Variants in RHOT1 observed in about 807,000 individuals in gnomAD.
The protein encoded by RHOT1 is mitochondrial Rho GTPase 1.
RHOT1 carries 27 observed loss-of-function variants against 95.3 expected under a neutral mutation model. The observed-to-expected ratio is 0.28, with a 90% confidence interval of 0.21 to 0.39. RHOT1 has a LOEUF of 0.39. RHOT1 is among the 10% of genes least tolerant of loss of function. RHOT1 has a pLI of 1.00. For missense variants in RHOT1, 578 were observed against 786.7 expected (o/e 0.73, Z 3.17); for synonymous variants, 227 against 263.5 (o/e 0.86, Z 1.34).
intron 19 of RHOT1, among the ~76,000 whole-genome samples, chr17:32,214,101 A>C (rs2038298390): frequency 6.6e-6 from 1 of 152,206 alleles, no homozygotes. Flanking sequence ...TAAGAGAAGT[A>C]CAGTGGAATT....
intron 1 of RHOT1, among the ~76,000 whole-genome samples, chr17:32,149,633 A>ATGTGTGTGTGTG (rs1233010217): frequency 9.7e-4 from 79 of 81,262 alleles, no homozygotes; most frequent in Non-Finnish European, 1.7e-3. Flanking sequence ...ATATATATAT[A>ATGTGTGTGTGTG]TATGTGTGTG....
chr17:32,199,664 T>C, intron 13 of RHOT1, 114 bp downstream of exon 13: 1 of 842,334 alleles, frequency 1.2e-6, no homozygotes, highest in Non-Finnish European at 1.8e-6. Context: ...TCAATCATAA[T>C]TGCCTCTAAG....
Position 32,202,866 on chromosome 17 carries a change from G to A in RHOT1, c.1298G>A (p.Gly433Glu). Reference protein sequence around the residue: ...VIGVKNCGKSGVLQALLGRNL... With the variant: ...VIGVKNCGKSEVLQALLGRNL... ...GGAGTGAAAAACTGTGGGAAAAGTG[G>A]AGTTCTTCAGGCTCTTCTTGGAAGA... Residue 433 changes from glycine to glutamate, a missense_variant, in exon 15 of 20, where the codon GGA (glycine) becomes GAA (glutamate). Transcript: ENST00000545287. 6.2e-7 allele frequency: 1 copy of A among 1,613,406 alleles called. No individual in the cohort carries two copies. Among genetic ancestry groups the A allele is most frequent in the Non-Finnish European group, 8.5e-7 (1 of 1,179,764 alleles).
chr17:32,183,507 A>G (rs2035798255), intron 8 of RHOT1, among the ~76,000 whole-genome samples: 1 of 152,224 alleles, frequency 6.6e-6, no homozygotes, highest in Non-Finnish European at 1.5e-5. Context: ...GTGCCATTAA[A>G]ACAAACAAGA....
chr17:32,173,029 C>T lies in RHOT1; in HGVS notation c.97-802C>T, dbSNP rs1287259990. The T allele has an allele frequency of 2.6e-5, 4 of 152,216 alleles. No individual in the cohort carries two copies. The South Asian group carries it at 8.3e-4, about 32-fold the overall frequency. 9.4% of individuals were successfully genotyped at this position (152,216 alleles called of 1,614,324 possible). ...ACAACATATTTAAAAAATCTAACAC[C>T]GAAACACCAAATTAATCCAAGAATC... On this transcript the variant is annotated intron_variant, in intron 2 of 19. Transcript: ENST00000545287.
chr17:32,158,195 T>TAGTATGTA (rs2033159984), intron 1 of RHOT1, among the ~76,000 whole-genome samples: 1 of 152,116 alleles, frequency 6.6e-6, no homozygotes, highest in South Asian at 2.1e-4. Context: ...TATCCCCACA[T>TAGTATGTA]AGTATGTAAG....
rs1191157449 is a variant in RHOT1, at chr17:32,207,321, C to T, written c.1536+292C>T. ...GTTAAAAGTTACATATGTCTGCCTT[C>T]TCTCTGATGAAAAAAAAGAGTAGTA... On this transcript the variant is annotated intron_variant, in intron 17 of 19. Transcript: ENST00000545287. 5 of 262,716 alleles carry T rather than the reference C, an allele frequency of 1.9e-5. No individual in the cohort carries two copies. The East Asian group carries it at 3.7e-4, about 20-fold the overall frequency. 16.3% of individuals were successfully genotyped at this position (262,716 alleles called of 1,614,324 possible). A position where few individuals can be genotyped will look rare whatever the true frequency, so the allele number is the denominator to read the frequency against.
At chr17:32,201,110 A>T in intron 14 of RHOT1, 54 bp downstream of exon 14, 1 of 1,055,570 alleles carries the variant, frequency 9.5e-7, no homozygotes. Context: ...TTAAGACTCC[A>T]TTTTCAAATG....
intron 13 of RHOT1, among the ~76,000 whole-genome samples, chr17:32,200,162 C>T (rs527594288): frequency 5.9e-5 from 9 of 151,954 alleles, no homozygotes; most frequent in Admixed American, 4.6e-4. Flanking sequence ...ATATGGATGT[C>T]CTATAACTTA....
chr17:32,142,636 G>C lies in RHOT1; in HGVS notation c.-57G>C. ...TGGCGCCGTGGGGTGGGTGCTCCTG[G>C]TGAGAGGAGTCCACTCCGTGCGTGC... On this transcript the variant is annotated 5_prime_UTR_variant, in exon 1 of 20. Transcript: ENST00000545287. 6.8e-7 allele frequency: 1 copy of C among 1,464,124 alleles called. No individual in the cohort carries two copies. Among genetic ancestry groups the C allele is most frequent in the South Asian group, 1.4e-5 (1 of 73,412 alleles). 90.7% of individuals were successfully genotyped at this position (1,464,124 alleles called of 1,614,324 possible).
chr17:32,199,056 A>G, intron 12 of RHOT1, 25 bp downstream of exon 12: 1 of 1,495,142 alleles, frequency 6.7e-7, no homozygotes, highest in Admixed American at 1.7e-5. Flanking sequence ...GTAATTTTCC[A>G]TTATATATAG....
intron 1 of RHOT1, among the ~76,000 whole-genome samples, chr17:32,170,439 A>G (rs563949536): frequency 1.7e-4 from 26 of 152,244 alleles, no homozygotes; most frequent in Non-Finnish European, 3.5e-4. Context: ...ATTTAAAAAA[A>G]TATTAATATA....
At chr17:32,190,348 G>A (rs968272496) in intron 8 of RHOT1, among the ~76,000 whole-genome samples, 14 of 151,920 alleles carry the variant, frequency 9.2e-5, no homozygotes, top group African/African-American at 3.4e-4. Flanking sequence ...CCAGCTACTC[G>A]GGAGACTGAG....
chr17:32,166,181 C>CT (rs1186381014), intron 1 of RHOT1, among the ~76,000 whole-genome samples: 1 of 142,724 alleles, frequency 7.0e-6, no homozygotes, highest in Admixed American at 7.0e-5. Flanking sequence ...CAGCGAGACT[C>CT]TATCTCAAAA....
intron 11 of RHOT1, among the ~76,000 whole-genome samples, chr17:32,194,775 G>C (rs907346780): frequency 6.8e-6 from 1 of 147,050 alleles, no homozygotes; most frequent in Non-Finnish European, 1.5e-5. Flanking sequence ...CTTAGCTTAA[G>C]TTGAAGTAGG....
intron 1 of RHOT1, among the ~76,000 whole-genome samples, chr17:32,145,019 G>A (rs2031086705): frequency 6.6e-6 from 1 of 151,828 alleles, no homozygotes; most frequent in African/African-American, 2.4e-5. Context: ...TTTAATGGCT[G>A]GGCACAGTAG....
intron 1 of RHOT1, chr17:32,151,278 T>C: frequency 1.0e-5 from 7 of 676,106 alleles, no homozygotes; most frequent in Non-Finnish European, 2.0e-5. Context: ...TGATGCCTTC[T>C]CCATATTGCT....
At chr17:32,186,943 T>C (rs998114643) in intron 8 of RHOT1, among the ~76,000 whole-genome samples, 2 of 152,030 alleles carry the variant, frequency 1.3e-5, no homozygotes, top group African/African-American at 4.8e-5. Flanking sequence ...TTTGCCCGCT[T>C]TTTAGTTGGG....
Position 32,193,238 on chromosome 17 carries a change from C to G in RHOT1, c.742C>G (p.Leu248Val). The G allele has an allele frequency of 6.2e-7, 1 of 1,602,410 alleles. No individual in the cohort carries two copies. Among genetic ancestry groups the G allele is most frequent in the Non-Finnish European group, 8.5e-7 (1 of 1,170,532 alleles). ...SDGVADSGLT[L>V]KGFLFLHTLF... Reference sequence around the variant, plus strand: ...TGGTGTGGCTGACAGTGGGTTGACCCTGAAAGGTGGGTAAATGGTATTTTT... The same window carrying G: ...TGGTGTGGCTGACAGTGGGTTGACCGTGAAAGGTGGGTAAATGGTATTTTT... Residue 248 changes from leucine (L) to valine (V), a missense_variant, in exon 10 of 20, where the codon CTG becomes GTG. Leu to Val is a conservative substitution (Grantham distance 32). This residue lies in a region of RHOT1 where 227 missense variants were observed against 316.0 expected (regional missense o/e 0.72). Transcript: ENST00000545287.
Sources: gnomAD v4.1 joint callset for allele counts (sites outside exome capture counted in the v4.1 genomes callset) on GRCh38, gnomAD v4.1.1 for gene constraint, gnomAD v4.1.1 regional missense constraint, MANE v1.5 for transcripts, NCBI Gene and HGNC (gene_info 2026-07-23, HGNC 2026-07-21) for gene names.